PRKCA: variants seen among roughly 807,000 people sequenced by gnomAD.
The protein encoded by PRKCA is protein kinase C alpha type.
Under a neutral mutation model 87.0 loss-of-function variants are expected in PRKCA, and 27 were observed. The ratio of observed to expected loss-of-function variants is 0.31; its 90% CI spans 0.23 to 0.43. PRKCA has a LOEUF of 0.43. PRKCA is among the 20% of genes least tolerant of loss of function. The probability of loss-of-function intolerance (pLI) is 1.00; values close to 1 mark genes in which losing one functional copy is unlikely to be tolerated. For synonymous variants in PRKCA, 329 were observed against 311.1 expected (o/e 1.06, Z -0.61); for missense variants, 518 against 852.3 (o/e 0.61, Z 4.88).
intron 14 of PRKCA, among the ~76,000 whole-genome samples, chr17:66,778,865 A>G (rs1205672494): frequency 1.3e-5 from 2 of 151,606 alleles, no homozygotes; most frequent in East Asian, 3.9e-4. Flanking sequence ...AAAAAAAACA[A>G]CAACTCCTTA....
At chr17:66,567,326 C>T (rs537714639) in intron 3 of PRKCA, among the ~76,000 whole-genome samples, 1 of 152,328 alleles carries the variant, frequency 6.6e-6, no homozygotes, top group African/African-American at 2.4e-5. Context: ...ACTTCTGGAA[C>T]ATTCCAGAGC....
At chr17:66,353,357 G>A (rs1019587226) in intron 2 of PRKCA, among the ~76,000 whole-genome samples, 1 of 152,086 alleles carries the variant, frequency 6.6e-6, no homozygotes, top group East Asian at 1.9e-4. Context: ...TCCTTTAGAC[G>A]GCAGATATAA....
intron 3 of PRKCA, among the ~76,000 whole-genome samples, chr17:66,620,893 A>T (rs531462668): frequency 2.2e-4 from 34 of 152,200 alleles, no homozygotes; most frequent in Non-Finnish European, 4.3e-4. Context: ...ACATTTTATC[A>T]TGGAGCATCT....
At chr17:66,691,135 T>G (rs531826419) in intron 8 of PRKCA, among the ~76,000 whole-genome samples, 55 of 152,170 alleles carry the variant, frequency 3.6e-4, no homozygotes, top group Non-Finnish European at 7.2e-4. Flanking sequence ...AGTGAGACCC[T>G]GACTCAAGAA....
At position 66,732,732 on chromosome 17, in the gene PRKCA, T is replaced by C. The variant is rs766323530; in HGVS notation, c.963T>C (p.Ser321=). ...CTGGCAACAAAGTCATCAGTCCCTCTGAAGACAGGAAACAACCTTCCAACA... is the reference window on the plus strand; with the variant it reads ...CTGGCAACAAAGTCATCAGTCCCTCCGAAGACAGGAAACAACCTTCCAACA... ...GPAGNKVISP[S]EDRKQPSNNL... Residue 321 remains serine, a synonymous_variant, in exon 9 of 17, where the codon TCT becomes TCC. Transcript: ENST00000413366. 1.9e-6 allele frequency: 3 copies of C among 1,614,178 alleles called. No homozygotes were observed. In the Admixed American group the frequency reaches 5.0e-5, roughly 27 times the overall value.
chr17:66,771,684 C>G (rs764508143), intron 13 of PRKCA, among the ~76,000 whole-genome samples: 3 of 152,112 alleles, frequency 2.0e-5, no homozygotes, highest in Non-Finnish European at 4.4e-5. Context: ...CAACCTCCAC[C>G]TCCCGGGTTC....
At chr17:66,621,239 G>A (rs1414836785) in intron 3 of PRKCA, among the ~76,000 whole-genome samples, 1 of 152,160 alleles carries the variant, frequency 6.6e-6, no homozygotes, top group Non-Finnish European at 1.5e-5. Context: ...AAGGCTAGGT[G>A]TTTGATTTTC....
intron 16 of PRKCA, 26 bp downstream of exon 16, chr17:66,789,005 T>G (rs554649619): frequency 6.2e-7 from 1 of 1,613,578 alleles, no homozygotes; most frequent in East Asian, 2.2e-5. Flanking sequence ...CAGCCTGTTT[T>G]CGGAACCCCA....
rs1916678014 is a variant in PRKCA at position 66,500,473 on chromosome 17, T to C, written c.288+4190T>C. Among the ~76,000 whole-genome samples the C allele has an allele frequency of 1.3e-5, 2 of 152,198 alleles. 1 individual carries two copies. The highest frequency in any genetic ancestry group is 4.1e-4 in the South Asian group (2 of 4,826). Reference sequence around the variant, plus strand: ...TTATTTTATCCTTTTCTGAATACCATTTTTCTGCAAATCCCAGAAGTATTG... The same window carrying C: ...TTATTTTATCCTTTTCTGAATACCACTTTTCTGCAAATCCCAGAAGTATTG... On this transcript the variant is annotated intron_variant, in intron 3 of 16. Transcript: ENST00000413366.
chr17:66,324,655 T>A (rs948658926), intron 2 of PRKCA, among the ~76,000 whole-genome samples: 3 of 151,970 alleles, frequency 2.0e-5, no homozygotes, highest in Non-Finnish European at 2.9e-5. Context: ...ATAAAAAAAA[T>A]TTGAGAGACT....
intron 2 of PRKCA, among the ~76,000 whole-genome samples, chr17:66,472,626 A>C (rs1003250192): frequency 1.2e-4 from 18 of 152,186 alleles, no homozygotes; most frequent in Non-Finnish European, 2.4e-4. Flanking sequence ...AGTCACTTGG[A>C]GTGAATATCT....
intron 5 of PRKCA, among the ~76,000 whole-genome samples, chr17:66,658,809 A>G (rs1971807879): frequency 6.6e-6 from 1 of 152,072 alleles, no homozygotes; most frequent in South Asian, 2.1e-4. Flanking sequence ...TTCAGTCCTG[A>G]CTCTTTCATG....
At chr17:66,684,066 T>C (rs1221710861) in intron 5 of PRKCA, among the ~76,000 whole-genome samples, 1 of 152,240 alleles carries the variant, frequency 6.6e-6, no homozygotes, top group Non-Finnish European at 1.5e-5. Flanking sequence ...CCTGACATTC[T>C]TGAAACCATA....
intron 2 of PRKCA, among the ~76,000 whole-genome samples, chr17:66,390,857 T>C (rs1425064908): frequency 1.3e-5 from 2 of 152,126 alleles, no homozygotes; most frequent in Non-Finnish European, 2.9e-5. Context: ...CGGTGCAGAC[T>C]GACCCATCCA....
At chr17:66,470,566 C>G (rs2144012818) in intron 2 of PRKCA, among the ~76,000 whole-genome samples, 1 of 152,104 alleles carries the variant, frequency 6.6e-6, no homozygotes, top group South Asian at 2.1e-4. Context: ...CTGAAGGGCA[C>G]TTAGAGCTAC....
intron 2 of PRKCA, among the ~76,000 whole-genome samples, chr17:66,438,034 G>A (rs1281947346): frequency 6.6e-6 from 1 of 152,014 alleles, no homozygotes; most frequent in African/African-American, 2.4e-5. Context: ...GGTGTGTGTG[G>A]AAAAGAGAAA....
At chr17:66,683,098 AT>A (rs1483764526) in intron 5 of PRKCA, among the ~76,000 whole-genome samples, 1 of 152,214 alleles carries the variant, frequency 6.6e-6, no homozygotes, top group East Asian at 1.9e-4. Context: ...GCGCTTGTTA[AT>A]TTCCCCTTTG....
At chr17:66,479,988 C>A (rs1409510195) in intron 2 of PRKCA, among the ~76,000 whole-genome samples, 1 of 129,044 alleles carries the variant, frequency 7.7e-6, no homozygotes, top group Non-Finnish European at 1.6e-5. Flanking sequence ...TGCATAGATA[C>A]CCCTGAACTT....
At chr17:66,746,728 C>T (rs1319820869) in intron 13 of PRKCA, among the ~76,000 whole-genome samples, 1 of 152,168 alleles carries the variant, frequency 6.6e-6, no homozygotes, top group Non-Finnish European at 1.5e-5. Context: ...ACAGAAGGAG[C>T]ACTCATCAGA....
Sources: allele counts gnomAD v4.1 joint callset (sites outside exome capture counted in the v4.1 genomes callset), GRCh38; gene constraint gnomAD v4.1.1; transcripts MANE v1.5; gene names NCBI Gene and HGNC (gene_info 2026-07-23, HGNC 2026-07-21).